The following KCNN2 variants were observed in gnomAD, a reference collection of about 807,000 sequenced individuals.
The protein encoded by KCNN2 is small conductance calcium-activated potassium channel protein 2.
Under a neutral mutation model 55.5 loss-of-function variants are expected in KCNN2, and 24 were observed. The ratio of observed to expected loss-of-function variants is 0.43; its 90% confidence interval spans 0.31 to 0.61. The LOEUF (loss-of-function observed/expected upper bound fraction) is 0.61, where lower values mean the gene tolerates loss of function less well. Among genes scored for constraint, KCNN2 ranks in the 20% least tolerant of loss-of-function variants. The probability of loss-of-function intolerance (pLI) is 0.08; values close to 1 mark genes in which losing one functional copy is unlikely to be tolerated. For missense variants in KCNN2, 754 were observed against 853.6 expected (o/e 0.88, Z 1.45); for synonymous variants, 431 against 336.1 (o/e 1.28, Z -3.09).
At chr5:114,112,355 C>A (rs532537608) in intron 1 of KCNN2, among the ~76,000 whole-genome samples, 1 of 152,084 alleles carries the variant, frequency 6.6e-6, no homozygotes, top group Non-Finnish European at 1.5e-5. Flanking sequence ...GAAGGGATGG[C>A]ATTAAGAGAA....
chr5:114,263,555 A>G (rs1275287810), intron 2 of KCNN2, among the ~76,000 whole-genome samples: 1 of 151,872 alleles, frequency 6.6e-6, no homozygotes, highest in Non-Finnish European at 1.5e-5. Context: ...TCTTCCCTTC[A>G]CCCGTTTTGA....
intron 2 of KCNN2, among the ~76,000 whole-genome samples, chr5:114,271,485 C>T (rs1475675079): frequency 6.6e-6 from 1 of 152,110 alleles, no homozygotes; most frequent in African/African-American, 2.4e-5. Flanking sequence ...ACTTGAAAAA[C>T]ACAGAAAAGC....
chr5:114,088,397 A>G (rs1751061687), intron 1 of KCNN2, among the ~76,000 whole-genome samples: 1 of 146,542 alleles, frequency 6.8e-6, no homozygotes, highest in African/African-American at 2.5e-5. Context: ...TTTTGAGCTC[A>G]TTTTTCTGCC....
At chr5:114,368,226 C>T (rs1757662325) in intron 2 of KCNN2, among the ~76,000 whole-genome samples, 1 of 152,046 alleles carries the variant, frequency 6.6e-6, no homozygotes, top group Non-Finnish European at 1.5e-5. Context: ...TGTGGGATTC[C>T]TGGAACTAAT....
intron 1 of KCNN2, among the ~76,000 whole-genome samples, chr5:114,169,285 C>T (rs141207501): frequency 6.6e-6 from 1 of 152,180 alleles, no homozygotes; most frequent in South Asian, 2.1e-4. Context: ...ATGGGAGCTT[C>T]TCATTGTAAC....
At chr5:114,403,657 A>C (rs939129696) in intron 2 of KCNN2, among the ~76,000 whole-genome samples, 1 of 151,560 alleles carries the variant, frequency 6.6e-6, no homozygotes, top group Admixed American at 6.6e-5. Flanking sequence ...AGAGGAAGAT[A>C]CTCTTTTCTG....
chr5:114,484,469 A>C (rs1762364699), intron 5 of KCNN2, among the ~76,000 whole-genome samples: 1 of 152,170 alleles, frequency 6.6e-6, no homozygotes, highest in Non-Finnish European at 1.5e-5. Flanking sequence ...AATTTATATA[A>C]ATAAAAAAAA....
intron 2 of KCNN2, among the ~76,000 whole-genome samples, chr5:114,329,559 C>T (rs957890877): frequency 2.6e-5 from 4 of 152,082 alleles, no homozygotes; most frequent in Admixed American, 1.3e-4. Flanking sequence ...GGCTTTCGGG[C>T]CTTCGGTCAC....
chr5:114,226,731 C>T (rs1312105076), intron 2 of KCNN2, among the ~76,000 whole-genome samples: 2 of 151,940 alleles, frequency 1.3e-5, no homozygotes, highest in Non-Finnish European at 2.9e-5. Context: ...TGAATCCCAT[C>T]TCTACTAAAA....
chr5:114,219,806 T>A (rs1754095152), intron 1 of KCNN2, among the ~76,000 whole-genome samples: 1 of 152,136 alleles, frequency 6.6e-6, no homozygotes, highest in South Asian at 2.1e-4. Context: ...CTATCAGTTT[T>A]ACTGCAAATC....
intron 3 of KCNN2, among the ~76,000 whole-genome samples, chr5:114,460,956 G>A (rs963075646): frequency 2.6e-5 from 4 of 152,152 alleles, no homozygotes; most frequent in Admixed American, 6.6e-5. Context: ...CCATTCTTAC[G>A]ATAGGGTAAT....
At chr5:114,112,766 G>C (rs1751626143) in intron 1 of KCNN2, among the ~76,000 whole-genome samples, 1 of 152,090 alleles carries the variant, frequency 6.6e-6, no homozygotes, top group South Asian at 2.1e-4. Context: ...TTATTTTCCA[G>C]ACTGAATTAA....
chr5:114,062,838 G>T (rs1378464330), intron 1 of KCNN2, among the ~76,000 whole-genome samples: 3 of 152,024 alleles, frequency 2.0e-5, no homozygotes, highest in Non-Finnish European at 4.4e-5. Context: ...TTTCTTTTAA[G>T]GCAGTTAAAA....
chr5:114,122,071 T>C (rs1029620487), intron 1 of KCNN2, among the ~76,000 whole-genome samples: 1 of 152,232 alleles, frequency 6.6e-6, no homozygotes. Context: ...GCATTGTCAG[T>C]AAAGCACAAT....
chr5:114,462,373 G>T (rs1404811677), intron 3 of KCNN2, among the ~76,000 whole-genome samples: 1 of 152,100 alleles, frequency 6.6e-6, no homozygotes, highest in African/African-American at 2.4e-5. Flanking sequence ...TGTATAACTG[G>T]TAAGACAACT....
chr5:114,443,268 G>A lies in KCNN2; in HGVS notation c.1638-19781G>A, dbSNP rs966889742. 2.0e-5 allele frequency among the ~76,000 whole-genome samples: 3 copies of A among 150,080 alleles called. No homozygotes were observed. In the East Asian group the frequency reaches 5.9e-4, roughly 29 times the overall value. On this transcript the variant is annotated intron_variant, in intron 3 of 7. Transcript: ENST00000673685. ...ATCATGCCACTGACTCCAGCCTGGC[G>A]ACAGAGAGAGACTCCGTCTCAAAAA...
At chr5:114,108,372 C>A (rs1450927111) in intron 1 of KCNN2, among the ~76,000 whole-genome samples, 2 of 151,936 alleles carry the variant, frequency 1.3e-5, no homozygotes, top group African/African-American at 4.8e-5. Flanking sequence ...TTCACAGTGT[C>A]TCTAGTCTTT....
At chr5:114,450,339 A>G (rs1326173745) in intron 3 of KCNN2, among the ~76,000 whole-genome samples, 2 of 152,180 alleles carry the variant, frequency 1.3e-5, no homozygotes, top group Non-Finnish European at 2.9e-5. Context: ...CTGGGGTTCC[A>G]GTTTCCTCTT....
intron 2 of KCNN2, among the ~76,000 whole-genome samples, chr5:114,390,887 T>A (rs1758432167): frequency 6.6e-6 from 1 of 152,178 alleles, no homozygotes; most frequent in South Asian, 2.1e-4. Context: ...CATTGCCTTT[T>A]TTGGGACCAC....
Sources: allele counts gnomAD v4.1 joint callset (sites outside exome capture counted in the v4.1 genomes callset), GRCh38; gene constraint gnomAD v4.1.1; transcripts MANE v1.5; gene names NCBI Gene and HGNC (gene_info 2026-07-23, HGNC 2026-07-21).